The following METTL15 variants were observed in gnomAD, a reference collection of about 807,000 sequenced individuals.
METTL15 encodes the protein methyltransferase 15, mitochondrial 12S rRNA N4-cytidine.
A neutral mutation model predicts 38.3 loss-of-function variants in METTL15; 34 were observed. The ratio of observed to expected loss-of-function variants is 0.89; its 90% CI spans 0.68 to 1.18. The LOEUF is 1.18. Among genes scored for constraint, METTL15 ranks in the 50% most tolerant of loss-of-function variants. METTL15 has a pLI of 0.00. For synonymous variants in METTL15, 162 were observed against 170.9 expected (o/e 0.95, Z 0.41); for missense variants, 438 against 498.4 (o/e 0.88, Z 1.15).
chr11:28,110,666 C>T (rs532380559), intron 2 of METTL15, among the ~76,000 whole-genome samples: 3 of 152,204 alleles, frequency 2.0e-5, no homozygotes, highest in South Asian at 4.2e-4. Context: ...TGCCAGCCGC[C>T]ACGTCGCGTT....
chr11:28,295,797 C>T (rs753785758), intron 5 of METTL15, among the ~76,000 whole-genome samples: 4 of 151,904 alleles, frequency 2.6e-5, no homozygotes, highest in Admixed American at 1.3e-4. Flanking sequence ...GTTGGCAACC[C>T]CACTCTGGTT....
chr11:28,256,891 A>C (rs1485995491), intron 4 of METTL15, among the ~76,000 whole-genome samples: 2 of 151,900 alleles, frequency 1.3e-5, no homozygotes, highest in African/African-American at 4.8e-5. Context: ...AGGTTTTGTT[A>C]TGTTGTGTTT....
intron 6 of METTL15, among the ~76,000 whole-genome samples, chr11:28,316,115 C>T (rs1037709476): frequency 5.3e-5 from 8 of 152,204 alleles, no homozygotes; most frequent in African/African-American, 1.9e-4. Context: ...ATGGTAGATC[C>T]ACCCAACAGC....
chr11:28,268,498 A>T lies in METTL15; in HGVS notation c.408-21708A>T, dbSNP rs957198823. ...GATGGAATTGTTCAAGCTGTGTAAG[A>T]TCTAATTTGTACTCTCTTTAAGATA... On this transcript the variant is annotated intron_variant, in intron 4 of 6. Transcript: ENST00000407364. Among the ~76,000 whole-genome samples the T allele has an allele frequency of 2.0e-5, 3 of 152,042 alleles. No homozygotes were observed. In the East Asian group the frequency reaches 5.8e-4, roughly 29 times the overall value.
chr11:28,131,210 A>G (rs1381317915), intron 3 of METTL15, among the ~76,000 whole-genome samples: 3 of 152,238 alleles, frequency 2.0e-5, no homozygotes, highest in South Asian at 2.1e-4. Flanking sequence ...ACAGTGACCA[A>G]TACGATAGAG....
chr11:28,415,761 T>C (rs1850767364), intron 5 of METTL15, among the ~76,000 whole-genome samples: 1 of 152,170 alleles, frequency 6.6e-6, no homozygotes. Flanking sequence ...AAAAGGATAA[T>C]AGCATCTCCT....
chr11:28,432,435 C>T (rs992884873), intron 6 of METTL15, among the ~76,000 whole-genome samples: 2 of 152,130 alleles, frequency 1.3e-5, no homozygotes, highest in African/African-American at 4.8e-5. Flanking sequence ...TCTTTTCTCT[C>T]CTTGGAAAAA....
chr11:28,149,252 T>G (rs146788190), intron 3 of METTL15, among the ~76,000 whole-genome samples: 8 of 151,616 alleles, frequency 5.3e-5, no homozygotes, highest in Non-Finnish European at 1.2e-4. Context: ...TTTCTGATAA[T>G]TAGAGGTTGT....
chr11:28,178,515 A>T (rs188134840), intron 3 of METTL15, among the ~76,000 whole-genome samples: 2 of 151,120 alleles, frequency 1.3e-5, no homozygotes, highest in Non-Finnish European at 1.5e-5. Context: ...TCCAGAAAAT[A>T]TCTACCAGTT....
At chr11:28,114,743 G>A (rs750988728) in intron 3 of METTL15, among the ~76,000 whole-genome samples, 5 of 152,146 alleles carry the variant, frequency 3.3e-5, no homozygotes, top group Admixed American at 3.3e-4. Context: ...GAGCCACCAT[G>A]CCCGGCCTTG....
At chr11:28,487,822 C>T (rs1193168413) in intron 6 of METTL15, among the ~76,000 whole-genome samples, 18 of 152,108 alleles carry the variant, frequency 1.2e-4, no homozygotes, top group Admixed American at 1.2e-3. Flanking sequence ...TGTTGAATTG[C>T]ATGAAGTATT....
intron 3 of METTL15, among the ~76,000 whole-genome samples, chr11:28,202,952 A>C (rs989214206): frequency 3.4e-5 from 5 of 148,392 alleles, no homozygotes; most frequent in Non-Finnish European, 4.5e-5. Flanking sequence ...ACAGTGTGAA[A>C]ATTTCAATGA....
chr11:28,197,154 C>T (rs930426403), intron 3 of METTL15, among the ~76,000 whole-genome samples: 2 of 151,292 alleles, frequency 1.3e-5, no homozygotes, highest in Non-Finnish European at 3.0e-5. Context: ...CTAATTTTGC[C>T]GTAGTTCAGA....
chr11:28,413,699 G>A (rs1850748678), intron 5 of METTL15, among the ~76,000 whole-genome samples: 1 of 152,126 alleles, frequency 6.6e-6, no homozygotes, highest in South Asian at 2.1e-4. Context: ...ACATCTTAAT[G>A]TGGCTCATAC....
Position 28,328,666 on chromosome 11 carries a change from A to G in METTL15, c.779-1730A>G, listed in dbSNP as rs533414548. Among the ~76,000 whole-genome samples the G allele has an allele frequency of 1.6e-4, 24 of 152,214 alleles. 1 individual carries two copies. The South Asian group carries it at 5.0e-3, about 32-fold the overall frequency. ...AATCTATTGAACATTATACATTAAT[A>G]TCTTGTTTGTATGCCAGTGGTTATA... On this transcript the variant is annotated intron_variant, in intron 6 of 6. Transcript: ENST00000407364.
At chr11:28,471,974 G>T (rs935771554) in intron 6 of METTL15, among the ~76,000 whole-genome samples, 1 of 152,112 alleles carries the variant, frequency 6.6e-6, no homozygotes, top group African/African-American at 2.4e-5. Context: ...AGGAGAGGCA[G>T]ATCAAATCTG....
chr11:28,293,985 A>T (rs963741580), intron 5 of METTL15, among the ~76,000 whole-genome samples: 1 of 152,192 alleles, frequency 6.6e-6, no homozygotes, highest in Non-Finnish European at 1.5e-5. Context: ...CTAGATATAC[A>T]ATCATGTCAT....
intron 5 of METTL15, among the ~76,000 whole-genome samples, chr11:28,382,991 G>GGGGTA (rs1227088900): frequency 2.6e-5 from 4 of 151,528 alleles, no homozygotes; most frequent in Non-Finnish European, 5.9e-5. Context: ...TTTAGGTTCA[G>GGGGTA]GGGTACATGT....
At chr11:28,465,215 C>T (rs921919455) in intron 6 of METTL15, among the ~76,000 whole-genome samples, 1 of 152,174 alleles carries the variant, frequency 6.6e-6, no homozygotes, top group Non-Finnish European at 1.5e-5. Flanking sequence ...GAAATACACT[C>T]TTTCTTTTAC....
Sources: gnomAD v4.1 joint callset for allele counts (sites outside exome capture counted in the v4.1 genomes callset) on GRCh38, gnomAD v4.1.1 for gene constraint, MANE v1.5 for transcripts, NCBI Gene and HGNC (gene_info 2026-07-23, HGNC 2026-07-21) for gene names.